ANK1: variants seen among roughly 807,000 people sequenced by gnomAD.
ANK1 encodes ankyrin 1, also known as ankyrin-1.
In ANK1, 51 loss-of-function variants were observed where a neutral mutation model predicts 210.4. That is an observed-to-expected ratio of 0.24 (90% CI 0.19 to 0.31). The LOEUF is 0.31. ANK1 is among the 10% of genes least tolerant of loss of function. The probability of loss-of-function intolerance (pLI) is 1.00; values close to 1 mark genes in which losing one functional copy is unlikely to be tolerated. For synonymous variants in ANK1, 967 were observed against 1,025.9 expected (o/e 0.94, Z 1.10); for missense variants, 2,051 against 2,504.4 (o/e 0.82, Z 3.86).
At chr8:41,750,873 C>T (rs1399748532) in intron 2 of ANK1, among the ~76,000 whole-genome samples, 1 of 152,194 alleles carries the variant, frequency 6.6e-6, no homozygotes, top group African/African-American at 2.4e-5. Flanking sequence ...GGAAAATTAT[C>T]TCCTGGAGTC....
At chr8:41,701,269 C>T (rs1420609126) in intron 22 of ANK1, among the ~76,000 whole-genome samples, 1 of 152,174 alleles carries the variant, frequency 6.6e-6, no homozygotes, top group Non-Finnish European at 1.5e-5. Context: ...AACCACGCTC[C>T]GATTTCATAC....
intron 1 of ANK1, among the ~76,000 whole-genome samples, chr8:41,807,405 T>C (rs902220449): frequency 1.3e-5 from 2 of 152,218 alleles, no homozygotes; most frequent in Non-Finnish European, 2.9e-5. Context: ...AGTTTATTTA[T>C]GTTAATTTAT....
intron 42 of ANK1, among the ~76,000 whole-genome samples, chr8:41,657,082 G>A (rs977470958): frequency 6.6e-6 from 1 of 152,094 alleles, no homozygotes; most frequent in Non-Finnish European, 1.5e-5. Flanking sequence ...CAGAGGTTCT[G>A]CCTGCCGCCC....
At chr8:41,827,563 A>G (rs1254819077) in intron 1 of ANK1, among the ~76,000 whole-genome samples, 1 of 152,224 alleles carries the variant, frequency 6.6e-6, no homozygotes, top group Non-Finnish European at 1.5e-5. Context: ...AACTACAGTT[A>G]TTTTATAACA....
chr8:41,862,750 C>T lies in ANK1; in HGVS notation c.126+33605G>A, dbSNP rs180899678. Among the ~76,000 whole-genome samples the T allele has an allele frequency of 7.9e-5, 12 of 151,812 alleles. No individual in the cohort carries two copies. The East Asian group carries it at 2.3e-3, about 29-fold the overall frequency. On this transcript the variant is annotated intron_variant, in intron 1 of 42. Coordinates refer to the ANK1 transcript ENST00000265709. ...GCAGGCCAGGTGCGGTGGCTCACAC[C>T]TGTAATCCCAGCACTTTGAGAGGCT... is the stretch of plus-strand genomic sequence containing the variant.
At chr8:41,894,435 G>A (rs1038446008) in intron 1 of ANK1, among the ~76,000 whole-genome samples, 7 of 152,130 alleles carry the variant, frequency 4.6e-5, no homozygotes, top group South Asian at 2.1e-4. Context: ...AAGATTAAGA[G>A]CAAAGAAGCA....
At chr8:41,676,632 A>G (rs932039298) in intron 37 of ANK1, among the ~76,000 whole-genome samples, 1 of 152,146 alleles carries the variant, frequency 6.6e-6, no homozygotes, top group African/African-American at 2.4e-5. Context: ...TTGGTGTTGT[A>G]TCTGAGAAAT....
intron 1 of ANK1, among the ~76,000 whole-genome samples, chr8:41,760,125 T>C (rs1279850643): frequency 1.3e-5 from 2 of 152,164 alleles, no homozygotes; most frequent in Non-Finnish European, 2.9e-5. Flanking sequence ...CCTTTAAAGA[T>C]GAGTGACAGC....
At position 41,665,356 on chromosome 8, in the gene ANK1, G is replaced by A. The variant is rs749758122; in HGVS notation, c.5395-1614C>T. ...TGTCCAACCGGGCTAGAAGGAAGCC[G>A]GCAGGTGCCCATGTCCTGAGCACTG... On this transcript the variant is annotated intron_variant, in intron 39 of 42. Coordinates refer to ENST00000289734, the MANE Select transcript of ANK1 (RefSeq NM_000037.4). The A allele has an allele frequency of 8.0e-6, 9 of 1,128,356 alleles. No individual in the cohort carries two copies. The Admixed American group carries it at 1.0e-4, about 13-fold the overall frequency. 69.9% of individuals were successfully genotyped at this position (1,128,356 alleles called of 1,614,324 possible).
At chr8:41,864,335 A>G (rs1289852445) in intron 1 of ANK1, among the ~76,000 whole-genome samples, 1 of 152,054 alleles carries the variant, frequency 6.6e-6, no homozygotes, top group Non-Finnish European at 1.5e-5. Flanking sequence ...TATATGTGAA[A>G]ACTCTATAAG....
intron 2 of ANK1, among the ~76,000 whole-genome samples, chr8:41,755,585 G>A (rs1327801095): frequency 2.6e-5 from 4 of 152,268 alleles, no homozygotes; most frequent in African/African-American, 4.8e-5. Context: ...TGGAGAGAGC[G>A]AGCAACCCAC....
chr8:41,776,184 A>G (rs1843992290), intron 1 of ANK1, among the ~76,000 whole-genome samples: 1 of 152,136 alleles, frequency 6.6e-6, no homozygotes, highest in South Asian at 2.1e-4. Context: ...CTGAAATTCA[A>G]TATTCTCCAG....
At chr8:41,808,760 A>AT (rs1268881571) in intron 1 of ANK1, among the ~76,000 whole-genome samples, 1 of 151,970 alleles carries the variant, frequency 6.6e-6, no homozygotes, top group African/African-American at 2.4e-5. Context: ...TGCTTCCTAA[A>AT]TTTTTTTTGC....
At chr8:41,678,645 T>C (rs2150570782) in intron 37 of ANK1, among the ~76,000 whole-genome samples, 1 of 152,356 alleles carries the variant, frequency 6.6e-6, no homozygotes, top group Non-Finnish European at 1.5e-5. Context: ...TCCCATCCAG[T>C]GTATTGATCC....
At chr8:41,890,535 G>T (rs1292311787) in intron 1 of ANK1, among the ~76,000 whole-genome samples, 1 of 151,878 alleles carries the variant, frequency 6.6e-6, no homozygotes, top group Non-Finnish European at 1.5e-5. Context: ...ATGGTGAAAT[G>T]CCGTCTCTAC....
At chr8:41,728,891 G>A (rs893096190) in intron 3 of ANK1, among the ~76,000 whole-genome samples, 2 of 152,170 alleles carry the variant, frequency 1.3e-5, no homozygotes, top group African/African-American at 4.8e-5. Context: ...CTGGCCTTCC[G>A]CGGACCTGCA....
intron 1 of ANK1, among the ~76,000 whole-genome samples, chr8:41,835,118 G>A (rs980772164): frequency 1.1e-4 from 17 of 152,364 alleles, no homozygotes; most frequent in African/African-American, 3.4e-4. Flanking sequence ...GAAGCAAGCC[G>A]GTGTTCTGGC....
chr8:41,799,585 G>A (rs1312398533), upstream of ANK1, among the ~76,000 whole-genome samples: 1 of 152,200 alleles, frequency 6.6e-6, no homozygotes, highest in Non-Finnish European at 1.5e-5. Context: ...TGTAGGTAGA[G>A]AGTATAATTC....
At position 41,884,695 on chromosome 8, in the gene ANK1, T is replaced by G. The variant is rs186156789; in HGVS notation, c.126+11660A>C. On this transcript the variant is annotated intron_variant, in intron 1 of 42. Transcript: ENST00000265709. ...ACAAGAAATAAAAAAATACCCAGTT[T>G]GGTGGTGCGTGTCTGTAGTCCTAGC... 3.2e-3 allele frequency among the ~76,000 whole-genome samples: 485 copies of G among 152,134 alleles called. 3 individuals carry two copies. The highest frequency in any genetic ancestry group is 0.01 in the African/African-American group (419 of 41,508).
Sources: gnomAD v4.1 joint callset for allele counts (sites outside exome capture counted in the v4.1 genomes callset) on GRCh38, gnomAD v4.1.1 for gene constraint, MANE v1.5 for transcripts, NCBI Gene and HGNC (gene_info 2026-07-23, HGNC 2026-07-21) for gene names.